Variants in TLE4 observed in about 807,000 individuals in gnomAD.
The protein encoded by TLE4 is transducin-like enhancer protein 4.
Under a neutral mutation model 92.8 loss-of-function variants are expected in TLE4, and 8 were observed. The ratio of observed to expected loss-of-function variants is 0.09; its 90% CI spans 0.05 to 0.16. TLE4 has a LOEUF of 0.16. Among genes scored for constraint, TLE4 ranks in the 10% least tolerant of loss-of-function variants. The probability of loss-of-function intolerance (pLI) is 1.00; values close to 1 mark genes in which losing one functional copy is unlikely to be tolerated. For synonymous variants in TLE4, 371 were observed against 374.1 expected (o/e 0.99, Z 0.10); for missense variants, 675 against 997.6 (o/e 0.68, Z 4.36).
At position 79,585,765 on chromosome 9, in the gene TLE4, A is replaced by G. The variant is rs866830369; in HGVS notation, c.252+9588A>G. On this transcript the variant is annotated intron_variant, in intron 4 of 19. Transcript: ENST00000376552. ...CCTAGGAGTAGAAATGTATATTTAT[A>G]TACTATTAATACTTTATTTTTTATA... is the stretch of plus-strand genomic sequence containing the variant. 3.3e-5 allele frequency among the ~76,000 whole-genome samples: 5 copies of G among 152,068 alleles called. No homozygotes were observed. The East Asian group carries it at 9.6e-4, about 29-fold the overall frequency.
At chr9:79,691,161 G>A (rs948873721) in intron 8 of TLE4, among the ~76,000 whole-genome samples, 2 of 151,960 alleles carry the variant, frequency 1.3e-5, no homozygotes, top group Admixed American at 6.6e-5. Context: ...CTGGACCACA[G>A]CAACAGCTCC....
chr9:79,658,574 G>T (rs1463907283), intron 8 of TLE4, among the ~76,000 whole-genome samples: 1 of 152,098 alleles, frequency 6.6e-6, no homozygotes, highest in Non-Finnish European at 1.5e-5. Context: ...GAATAAGGTT[G>T]TTTTTATGTT....
At chr9:79,671,333 C>A in intron 8 of TLE4, 2 of 450,178 alleles carry the variant, frequency 4.4e-6, no homozygotes, top group Non-Finnish European at 9.0e-6. Flanking sequence ...TTGTGTGCTT[C>A]TACTGGTAGG....
chr9:79,666,219 T>TG (rs1246496041), intron 8 of TLE4, among the ~76,000 whole-genome samples: 16 of 41,596 alleles, frequency 3.8e-4, no homozygotes, highest in African/African-American at 8.1e-4. Context: ...TTTTTTTTGT[T>TG]TTTTTTTTTT....
chr9:79,614,613 A>AACTATTTATTTATTT (rs1326115535), intron 5 of TLE4, among the ~76,000 whole-genome samples: 10 of 152,140 alleles, frequency 6.6e-5, no homozygotes, highest in African/African-American at 2.2e-4. Flanking sequence ...CTGTTGTCAT[A>AACTATTTATTTATTT]CCACTTAACT....
At chr9:79,710,381 T>G (rs73459306) in intron 14 of TLE4, among the ~76,000 whole-genome samples, 6,749 of 152,342 alleles carry the variant, frequency 0.044, 491 homozygotes, top group African/African-American at 0.15. Flanking sequence ...AAATCCCAGC[T>G]GGCTGCTTTC....
chr9:79,659,301 A>T (rs1229577059), intron 8 of TLE4, among the ~76,000 whole-genome samples: 1 of 152,164 alleles, frequency 6.6e-6, no homozygotes, highest in Admixed American at 6.5e-5. Flanking sequence ...ATATGTAGCC[A>T]TATTTCTATC....
intron 6 of TLE4, among the ~76,000 whole-genome samples, chr9:79,643,617 T>A (rs1343238186): frequency 6.6e-6 from 1 of 152,196 alleles, no homozygotes; most frequent in African/African-American, 2.4e-5. Context: ...TGTCTGTTTG[T>A]TTCTGATTGT....
At chr9:79,613,799 A>AT (rs1312541287) in intron 5 of TLE4, among the ~76,000 whole-genome samples, 1 of 151,950 alleles carries the variant, frequency 6.6e-6, no homozygotes, top group African/African-American at 2.4e-5. Flanking sequence ...GCTGTATATG[A>AT]TTTTTTTCTT....
intron 8 of TLE4, among the ~76,000 whole-genome samples, chr9:79,671,995 C>CTTTTTTT (rs773064446): frequency 5.9e-5 from 2 of 33,694 alleles, no homozygotes; most frequent in African/African-American, 2.6e-4. Flanking sequence ...AAACAAAACA[C>CTTTTTTT]TTTTTTTTTT....
intron 6 of TLE4, among the ~76,000 whole-genome samples, chr9:79,650,233 T>G (rs1163762612): frequency 6.6e-6 from 1 of 152,132 alleles, no homozygotes; most frequent in African/African-American, 2.4e-5. Flanking sequence ...TTTTTTGGTC[T>G]AATGTAATAG....
At chr9:79,662,934 GC>G (rs2060768522) in intron 8 of TLE4, among the ~76,000 whole-genome samples, 1 of 151,794 alleles carries the variant, frequency 6.6e-6, no homozygotes, top group South Asian at 2.1e-4. Context: ...ATCCTCCCTC[GC>G]CCCCACAAGC....
chr9:79,608,478 A>T (rs1020216172), intron 4 of TLE4, among the ~76,000 whole-genome samples: 7 of 152,090 alleles, frequency 4.6e-5, no homozygotes, highest in African/African-American at 1.2e-4. Context: ...CAGGGTAAGT[A>T]GGACTTCTTT....
chr9:79,683,577 AT>A (rs1160849591), intron 8 of TLE4, among the ~76,000 whole-genome samples: 1 of 152,068 alleles, frequency 6.6e-6, no homozygotes. Context: ...GAGCCATTCT[AT>A]TTTTTTCTAA....
intron 8 of TLE4, among the ~76,000 whole-genome samples, chr9:79,702,486 T>C (rs1197338174): frequency 6.6e-6 from 1 of 151,986 alleles, no homozygotes; most frequent in African/African-American, 2.4e-5. Flanking sequence ...AAAGCAGAAG[T>C]GTTGACCCAA....
intron 8 of TLE4, chr9:79,671,382 C>T: frequency 5.1e-6 from 2 of 395,098 alleles, no homozygotes; most frequent in South Asian, 3.4e-5. Flanking sequence ...AACGAGTGGC[C>T]CGAGGACTGT....
chr9:79,627,337 C>T lies in TLE4; in HGVS notation c.316-37C>T, dbSNP rs374303267. On this transcript the variant is annotated intron_variant, in intron 5 of 19. Transcript: ENST00000376552. ...AAGCTGTTCTTGACTGAGTAGAAAA[C>T]AAATAATTGTATTCTGTTTCTGATC... The T allele has an allele frequency of 9.3e-5, 150 of 1,609,198 alleles. 1 individual carries two copies. Among genetic ancestry groups the T allele is most frequent in the Non-Finnish European group, 1.2e-4 (144 of 1,175,688 alleles).
At chr9:79,594,753 C>A (rs930385549) in intron 4 of TLE4, among the ~76,000 whole-genome samples, 15 of 152,234 alleles carry the variant, frequency 9.9e-5, no homozygotes, top group African/African-American at 3.6e-4. Context: ...ATATTGACCT[C>A]TTGTATTTTG....
intron 4 of TLE4, among the ~76,000 whole-genome samples, chr9:79,603,225 C>G (rs963896566): frequency 6.6e-6 from 1 of 152,168 alleles, no homozygotes; most frequent in African/African-American, 2.4e-5. Context: ...AGAGGATTGA[C>G]TCCTCTGAAA....
Sources: gnomAD v4.1 joint callset for allele counts (sites outside exome capture counted in the v4.1 genomes callset) on GRCh38, gnomAD v4.1.1 for gene constraint, MANE v1.5 for transcripts, NCBI Gene and HGNC (gene_info 2026-07-23, HGNC 2026-07-21) for gene names.